Variants in DDX19B observed in about 807,000 individuals in gnomAD.
The protein encoded by DDX19B is ATP-dependent RNA helicase DDX19B.
DDX19B carries 27 observed loss-of-function variants against 58.1 expected under a neutral mutation model. The ratio of observed to expected loss-of-function variants is 0.46; its 90% CI spans 0.34 to 0.64. The LOEUF (loss-of-function observed/expected upper bound fraction) is 0.64, where lower values mean the gene tolerates loss of function less well. Ranked by LOEUF, DDX19B falls within the 30% of genes least tolerant of loss-of-function variation. The pLI is 0.01. For synonymous variants in DDX19B, 187 were observed against 214.4 expected, an observed-to-expected ratio of 0.87 and a Z score of 1.12; for missense variants, 399 against 596.5, an observed-to-expected ratio of 0.67 and a Z score of 3.45.
intron 7 of DDX19B, 69 bp downstream of exon 7, chr16:70,325,757 C>T: frequency 8.7e-7 from 1 of 1,151,534 alleles, no homozygotes; most frequent in Non-Finnish European, 1.3e-6. Flanking sequence ...TCAAAACCCA[C>T]CCAATAGTTG....
intron 5 of DDX19B, 110 bp from the exon 6 acceptor site, chr16:70,324,475 G>C (rs543670836): frequency 1.0e-5 from 9 of 889,096 alleles, no homozygotes; most frequent in Non-Finnish European, 1.4e-5. Flanking sequence ...ATGTAACTCT[G>C]CTACATAATC....
chr16:70,325,773 A>C (rs1963112411), intron 7 of DDX19B, 85 bp downstream of exon 7: 1 of 1,017,244 alleles, frequency 9.8e-7, no homozygotes, highest in Admixed American at 1.9e-5. Context: ...AGTTGAAATA[A>C]TACAATAAAC....
At chr16:70,317,784 AAC>A (rs202245483) in intron 5 of DDX19B, 196 bp downstream of exon 5, 324 of 368,430 alleles carry the variant, frequency 8.8e-4, no homozygotes, top group East Asian at 7.6e-3. Flanking sequence ...CAAAAAAAAA[AAC>A]GTTATAAACT....
chr16:70,299,512 C>G (rs187512241), intron 1 of DDX19B, among the ~76,000 whole-genome samples, 158 bp downstream of exon 1: 1 of 152,084 alleles, frequency 6.6e-6, no homozygotes, highest in African/African-American at 2.4e-5. Context: ...TTTACGCAGC[C>G]GCCTCCGCGT....
Position 70,329,425 on chromosome 16 carries a change from G to A in DDX19B, c.741G>A (p.Met247Ile). ...KVFVLDEADVMIATQGHQDQS... is the reference protein window; with the variant it reads ...KVFVLDEADVIIATQGHQDQS... ...TTGTTCTGGATGAGGCTGATGTCAT[G>A]ATAGCCACTCAGGGCCACCAAGATC... The change falls in exon 8 of 12, where the codon ATG becomes ATA. Residue 247 changes from methionine (M) to isoleucine (I), a missense_variant. Physicochemically the swap from Met to Ile is conservative, Grantham distance 10. Transcript: ENST00000288071. The A allele has an allele frequency of 6.2e-7, 1 of 1,613,994 alleles. No individual in the cohort carries two copies. Among genetic ancestry groups the A allele is most frequent in the Non-Finnish European group, 8.5e-7 (1 of 1,180,004 alleles).
At position 70,321,734 on chromosome 16, in the gene DDX19B, C is replaced by T. The variant is rs555384427; in HGVS notation, c.390-2851C>T. On this transcript the variant is annotated intron_variant, in intron 5 of 11. Transcript: ENST00000288071. ...ATTTTATGACATATATTTTTTACTT[C>T]AAATAAAAATAAATTTTGGCCAGGC... is the stretch of plus-strand genomic sequence containing the variant. 2.6e-5 allele frequency among the ~76,000 whole-genome samples: 4 copies of T among 152,118 alleles called. No individual in the cohort carries two copies. The East Asian group carries it at 7.7e-4, about 29-fold the overall frequency.
chr16:70,311,312 A>G (rs1388223156), intron 1 of DDX19B, among the ~76,000 whole-genome samples: 4 of 151,808 alleles, frequency 2.6e-5, no homozygotes, highest in Non-Finnish European at 4.4e-5. Flanking sequence ...CCCGGAAGGC[A>G]GAGCTTGCAG....
At chr16:70,307,412 G>A (rs1961813428) in intron 1 of DDX19B, among the ~76,000 whole-genome samples, 2 of 152,062 alleles carry the variant, frequency 1.3e-5, no homozygotes, top group East Asian at 1.9e-4. Context: ...TCCCAGGCTG[G>A]AGTGCAGTGG....
chr16:70,315,847 G>T (rs372853287), intron 3 of DDX19B, 122 bp from the exon 4 acceptor site: 27 of 1,308,506 alleles, frequency 2.1e-5, no homozygotes, highest in Non-Finnish European at 2.7e-5. Flanking sequence ...AAACTATGAC[G>T]TACCTTGAAT....
chr16:70,318,233 G>T (rs867207233), intron 5 of DDX19B, among the ~76,000 whole-genome samples: 1 of 151,664 alleles, frequency 6.6e-6, no homozygotes, highest in Admixed American at 6.6e-5. Context: ...AGTTAGCCAG[G>T]TGTCATGGTG....
At chr16:70,294,807 G>A (rs1196763798), upstream of DDX19B, 2 of 1,440,064 alleles carry the variant, frequency 1.4e-6, no homozygotes, top group South Asian at 2.8e-5. Context: ...AGTGCCAAGA[G>A]CAGCGGTTGT....
chr16:70,292,012 G>A (rs1466431371), upstream of DDX19B, among the ~76,000 whole-genome samples: 3 of 151,990 alleles, frequency 2.0e-5, no homozygotes, highest in African/African-American at 7.2e-5. Flanking sequence ...TTAGCTAGGC[G>A]TGGTGGCATT....
Position 70,334,865 on chromosome 16 carries a change from A to G in DDX19B, c.*1283A>G, listed in dbSNP as rs1290409066. 6.6e-6 allele frequency: 1 copy of G among 152,256 alleles called. No individual in the cohort carries two copies. 9.4% of individuals were successfully genotyped at this position (152,256 alleles called of 1,614,324 possible). A position where few individuals can be genotyped will look rare whatever the true frequency, so the allele number is the denominator to read the frequency against. ...AGATGAGAGGAAACTGAATTGCAAGAGCAATATGAAACCCCAACCAAGAGG... is the reference window on the plus strand; with the variant it reads ...AGATGAGAGGAAACTGAATTGCAAGGGCAATATGAAACCCCAACCAAGAGG... On this transcript the variant is annotated 3_prime_UTR_variant, in exon 12 of 12. Transcript: ENST00000288071.
intron 1 of DDX19B, 54 bp downstream of exon 1, chr16:70,299,408 T>G: frequency 6.6e-7 from 1 of 1,526,360 alleles, no homozygotes; most frequent in Non-Finnish European, 8.8e-7. Flanking sequence ...GTCGGAGACT[T>G]GGTCCCTGGG....
chr16:70,315,779 A>T, intron 3 of DDX19B, 190 bp from the exon 4 acceptor site: 1 of 731,740 alleles, frequency 1.4e-6, no homozygotes, highest in Non-Finnish European at 2.1e-6. Flanking sequence ...TATGAGGCCT[A>T]AATGGGTGAT....
upstream of DDX19B, among the ~76,000 whole-genome samples, chr16:70,296,185 G>A (rs900321057): frequency 1.3e-5 from 2 of 151,880 alleles, no homozygotes; most frequent in African/African-American, 4.8e-5. Flanking sequence ...TGTATTTTTA[G>A]TAGAGACAGA....
At chr16:70,293,372 C>T (rs200160898), upstream of DDX19B, among the ~76,000 whole-genome samples, 1 of 141,626 alleles carries the variant, frequency 7.1e-6, no homozygotes, top group Non-Finnish European at 1.5e-5. Context: ...AAGCCATGAT[C>T]GTGCCACTGC....
At chr16:70,300,570 C>T (rs1961441751) in intron 1 of DDX19B, among the ~76,000 whole-genome samples, 1 of 151,842 alleles carries the variant, frequency 6.6e-6, no homozygotes, top group African/African-American at 2.4e-5. Flanking sequence ...GCCCTGTCAC[C>T]CAGGCTGGAG....
chr16:70,301,942 T>G (rs372748518), intron 1 of DDX19B, among the ~76,000 whole-genome samples: 1 of 147,676 alleles, frequency 6.8e-6, no homozygotes, highest in Admixed American at 6.8e-5. Context: ...TTTTTTGAAA[T>G]GAAGTTTCGC....
Sources: gnomAD v4.1 joint callset for allele counts (sites outside exome capture counted in the v4.1 genomes callset) on GRCh38, gnomAD v4.1.1 for gene constraint, MANE v1.5 for transcripts, NCBI Gene and HGNC (gene_info 2026-07-23, HGNC 2026-07-21) for gene names.